Variants in APC observed in about 807,000 individuals in gnomAD.
APC encodes the protein APC regulator of Wnt signaling pathway, also known as adenomatous polyposis coli protein.
In APC, 72 loss-of-function variants were observed where a neutral mutation model predicts 247.0. The ratio of observed to expected loss-of-function variants is 0.29; its 90% confidence interval spans 0.24 to 0.35. APC has a LOEUF of 0.35. Among genes scored for constraint, APC ranks in the 10% least tolerant of loss-of-function variants. The pLI is 1.00. For synonymous variants in APC, 1,254 were observed against 1,162.5 expected, an observed-to-expected ratio of 1.08 and a Z score of -1.60; for missense variants, 3,400 against 3,360.7, an observed-to-expected ratio of 1.01 and a Z score of -0.29.
At chr5:112,830,216 A>G (rs1764161361) in intron 14 of APC, among the ~76,000 whole-genome samples, 1 of 152,234 alleles carries the variant, frequency 6.6e-6, no homozygotes, top group Admixed American at 6.5e-5. Context: ...TAATATTCAA[A>G]TATACTTAGC....
intron 8 of APC, among the ~76,000 whole-genome samples, chr5:112,813,586 A>G (rs1762192590): frequency 6.6e-6 from 1 of 152,146 alleles, no homozygotes; most frequent in Non-Finnish European, 1.5e-5. Flanking sequence ...TCTGGCAAAC[A>G]GTTTACGTTG....
intron 1 of APC, among the ~76,000 whole-genome samples, chr5:112,750,774 A>G (rs1450959335): frequency 6.6e-6 from 1 of 152,182 alleles, no homozygotes; most frequent in Non-Finnish European, 1.5e-5. Context: ...CATCCTTTGA[A>G]GAGGGTGTAC....
chr5:112,819,001 T>A lies in APC; in HGVS notation c.969T>A (p.Gly323=), dbSNP rs1341848656. The change falls in exon 10 of 16, where the codon GGT becomes GGA. Residue 323 remains glycine (G), a synonymous_variant. Coordinates refer to ENST00000257430, the MANE Select transcript of APC (RefSeq NM_000038.6). ...TGTATTCATTGTTGTCAATGCTTGG[T>A]ACTCATGATAAGGATGATATGTCGC... ...EMVYSLLSML[G]THDKDDMSRT... 6.2e-7 allele frequency: 1 copy of A among 1,614,132 alleles called. No homozygotes were observed. The highest frequency in any genetic ancestry group is 1.7e-5 in the Admixed American group (1 of 60,010).
Position 112,815,569 on chromosome 5 carries a change from G to A in APC, c.909G>A (p.Arg303=), listed in dbSNP as rs1580512337. 1 of 1,611,614 alleles carries A rather than the reference G, an allele frequency of 6.2e-7. No homozygotes were observed. Among genetic ancestry groups the A allele is most frequent in the Non-Finnish European group, 8.5e-7 (1 of 1,178,370 alleles). The part of the protein sequence containing the change: ...SSSSTHSAPR[R]LTSHLGTKVE... ...GTAGCACACACTCTGCACCTCGAAG[G>A]CTGACAAGTCATCTGGGAACCAAGG... The change falls in exon 9 of 16, where the codon AGG becomes AGA. Residue 303 remains arginine, a synonymous_variant. Transcript: ENST00000257430.
chr5:112,840,920 G>A lies in APC; in HGVS notation c.5326G>A (p.Val1776Ile), dbSNP rs768168290. 1 of 1,613,750 alleles carries A rather than the reference G, an allele frequency of 6.2e-7. No homozygotes were observed. The highest frequency in any genetic ancestry group is 1.3e-5 in the African/African-American group (1 of 74,912). ...DGKKKKPTSP[V>I]KPIPQNTEYR... ...TAAGAAAAAGAAACCAACTTCACCA[G>A]TAAAACCTATACCACAAAATACTGA... Residue 1776 changes from valine (V) to isoleucine (I), a missense_variant, in exon 16 of 16, where the codon GTA (valine) becomes ATA (isoleucine). By Grantham distance (29) the Val-to-Ile change is conservative. Transcript: ENST00000257430. This position sits in a 1 kb window ranked among gnomAD's most constrained non-coding sequence, Gnocchi z 4.1.
In APC at chr5:112,757,876, C is replaced by T. The variant is rs151057257; in HGVS notation, c.135+2851C>T. ...TTTATGGGTTAGGGAAATGTGAACA[C>T]TGTATATTAAGGAAATATTTATTTT... On this transcript the variant is annotated intron_variant, in intron 2 of 15. Transcript: ENST00000257430. Among the ~76,000 whole-genome samples the T allele has an allele frequency of 1.2e-4, 19 of 152,110 alleles. No individual in the cohort carries two copies. The East Asian group carries it at 3.7e-3, about 29-fold the overall frequency.
chr5:112,801,439 G>A (rs2149712933), intron 8 of APC, 56 bp downstream of exon 8: 1 of 1,257,072 alleles, frequency 8.0e-7, no homozygotes, highest in South Asian at 1.3e-5. Context: ...AGAAAAGTAT[G>A]AAGCAAGATG....
At position 112,838,224 on chromosome 5, in the gene APC, G is replaced by C. The variant is rs558732083; in HGVS notation, c.2630G>C (p.Gly877Ala). ...TENPGTSSKR[G>A]LQISTTAAQI... ...AATCCAGGAACTTCTTCAAAGCGAG[G>C]TTTGCAGATCTCCACCACTGCAGCC... The change falls in exon 16 of 16, where the codon GGT becomes GCT. Residue 877 changes from glycine (G) to alanine (A), a missense_variant. Coordinates refer to ENST00000257430, the MANE Select transcript of APC (RefSeq NM_000038.6). 1.1e-5 allele frequency: 18 copies of C among 1,614,002 alleles called. No individual in the cohort carries two copies. In the South Asian group the frequency reaches 2.0e-4, roughly 18 times the overall value.
intron 1 of APC, among the ~76,000 whole-genome samples, chr5:112,745,811 C>T (rs900388361): frequency 1.3e-5 from 2 of 151,840 alleles, no homozygotes; most frequent in Admixed American, 6.6e-5. Flanking sequence ...TGACCTGCCT[C>T]GCAAAGTATG....
chr5:112,707,636 G>C (rs1750591561), exon 1 of APC: 1 of 1,342,780 alleles, frequency 7.4e-7, no homozygotes, highest in South Asian at 1.2e-5. Context: ...AGGTTGGCTC[G>C]ATGCTGTTCC....
Position 112,801,366 on chromosome 5 carries a change from A to G in APC, c.817A>G (p.Thr273Ala), listed in dbSNP as rs770768719. The part of the protein sequence containing the change: ...GQGVGEINMA[T>A]SGNGQGSTTR... ...AGGAGTGGGAGAAATCAACATGGCA[A>G]CTTCTGGTAATGGTCAGGTAAATAA... Residue 273 changes from threonine to alanine, a missense_variant, in exon 8 of 16, where the codon ACT becomes GCT. Physicochemically the swap from Thr to Ala is moderately conservative, Grantham distance 58 (BLOSUM62 0). Around this residue, in one of 9 missense-constraint regions of APC, gnomAD observed 372 missense variants for 367.6 expected, o/e 1.01. Coordinates refer to ENST00000257430, the MANE Select transcript of APC (RefSeq NM_000038.6). 3 of 1,609,958 alleles carry G rather than the reference A, an allele frequency of 1.9e-6. No individual in the cohort carries two copies. Among genetic ancestry groups the G allele is most frequent in the Admixed American group, 3.3e-5 (2 of 59,930 alleles).
At position 112,840,451 on chromosome 5, in the gene APC, A is replaced by G. The variant is rs564651232; in HGVS notation, c.4857A>G (p.Pro1619=). The change falls in exon 16 of 16, where the codon CCA becomes CCG. Residue 1619 remains proline (P), a synonymous_variant. Coordinates refer to ENST00000257430, the MANE Select transcript of APC (RefSeq NM_000038.6). The surrounding 1 kb of genome is among the most constrained non-coding windows in gnomAD (Gnocchi z 4.1). ...PSQLPVYKLL[P]SQNRLQPQKH... is the part of the protein sequence containing the mutation. ...AGCTGCCTGTGTACAAACTTCTACC[A>G]TCACAAAACAGGTTGCAACCCCAAA... 3 of 1,614,218 alleles carry G rather than the reference A, an allele frequency of 1.9e-6. No homozygotes were observed. The highest frequency in any genetic ancestry group is 2.2e-5 in the East Asian group (1 of 44,882).
chr5:112,729,424 A>G (rs1430588840), intron 1 of APC, among the ~76,000 whole-genome samples: 2 of 152,208 alleles, frequency 1.3e-5, no homozygotes, highest in African/African-American at 4.8e-5. Context: ...TGAAAATTTG[A>G]CATTTTTGCC....
chr5:112,768,567 A>C (rs1255681794), intron 4 of APC, among the ~76,000 whole-genome samples: 1 of 150,388 alleles, frequency 6.6e-6, no homozygotes, highest in African/African-American at 2.5e-5. Flanking sequence ...CATGGGGTAC[A>C]TAGTGATGTT....
At chr5:112,711,925 C>A (rs1750876400) in intron 1 of APC, among the ~76,000 whole-genome samples, 1 of 152,196 alleles carries the variant, frequency 6.6e-6, no homozygotes, top group Non-Finnish European at 1.5e-5. Flanking sequence ...CATATTATAG[C>A]CCCTTCATTT....
chr5:112,839,395 TC>T lies in APC; in HGVS notation c.3803del (p.Pro1268GlnfsTer20). Reference sequence around the variant, plus strand: ...TACAGACTTATTGTGTAGAAGATACTCCAATATGTTTTTCAAGATGTAGTTC... The same window carrying T: ...TACAGACTTATTGTGTAGAAGATACTCAATATGTTTTTCAAGATGTAGTTC... ...TIQTYCVEDT[P>X]ICFSRCSSLS... On this transcript the variant is annotated frameshift_variant, in exon 16 of 16. Coordinates refer to ENST00000257430, the MANE Select transcript of APC (RefSeq NM_000038.6). LOFTEE classifies it high-confidence loss of function. This position sits in a 1 kb window ranked among gnomAD's most constrained non-coding sequence, Gnocchi z 5.0. 1 of 1,614,152 alleles carries T rather than the reference TC, an allele frequency of 6.2e-7. No individual in the cohort carries two copies. The highest frequency in any genetic ancestry group is 8.5e-7 in the Non-Finnish European group (1 of 1,180,008).
intron 1 of APC, among the ~76,000 whole-genome samples, chr5:112,731,296 C>G (rs1752085644): frequency 6.6e-6 from 1 of 152,138 alleles, no homozygotes; most frequent in Non-Finnish European, 1.5e-5. Context: ...GCTACTATAA[C>G]AAAATACCTG....
At chr5:112,780,765 A>T in intron 5 of APC, 25 bp from the exon 6 acceptor site, 1 of 1,502,332 alleles carries the variant, frequency 6.7e-7, no homozygotes. Flanking sequence ...AGATATTGAT[A>T]CTTTTTTATT....
intron 1 of APC, among the ~76,000 whole-genome samples, chr5:112,750,906 A>G (rs1754285751): frequency 6.6e-6 from 1 of 152,208 alleles, no homozygotes; most frequent in Non-Finnish European, 1.5e-5. Context: ...TATGAGGAAT[A>G]GATGCAGTTT....
Sources: gnomAD v4.1 joint callset for allele counts (sites outside exome capture counted in the v4.1 genomes callset) on GRCh38, gnomAD v4.1.1 for gene constraint, gnomAD v4.1.1 regional missense constraint, Gnocchi (gnomAD v3.1) non-coding constraint, MANE v1.5 for transcripts, NCBI Gene and HGNC (gene_info 2026-07-23, HGNC 2026-07-21) for gene names.